Variants in PIAS1 observed in about 807,000 individuals in gnomAD.
PIAS1 encodes the protein E3 SUMO-protein ligase PIAS1.
PIAS1 carries 6 observed loss-of-function variants against 71.3 expected under a neutral mutation model. The observed-to-expected ratio is 0.08, with a 90% CI of 0.05 to 0.17. PIAS1 has a LOEUF of 0.17. Ranked by LOEUF, PIAS1 falls within the 10% of genes least tolerant of loss-of-function variation. The pLI is 1.00. For missense variants in PIAS1, 555 were observed against 793.6 expected (o/e 0.70, Z 3.61); for synonymous variants, 303 against 292.9 (o/e 1.03, Z -0.35).
intron 2 of PIAS1, among the ~76,000 whole-genome samples, chr15:68,115,487 A>G (rs1210129882): frequency 1.3e-5 from 2 of 151,974 alleles, no homozygotes; most frequent in Admixed American, 6.6e-5. Context: ...CATAGGTCAT[A>G]TTTTCTATGA....
At position 68,186,462 on chromosome 15, in the gene PIAS1, TAAA is replaced by T. The variant is rs1444894127; in HGVS notation, c.1663-1076_1663-1074del. On this transcript the variant is annotated intron_variant, in intron 13 of 13. Transcript: ENST00000249636. The surrounding 1 kb of genome is among the most constrained non-coding windows in gnomAD (Gnocchi z 4.4). ...TTAAGTGTTACAAGAGTCAAAGTTTTAAAAAATCAGTTTATAAAGTAAAATTAG... is the reference window on the plus strand; with the variant it reads ...TTAAGTGTTACAAGAGTCAAAGTTTTAAATCAGTTTATAAAGTAAAATTAG... Among the ~76,000 whole-genome samples the T allele has an allele frequency of 6.6e-6, 1 of 152,276 alleles. No individual in the cohort carries two copies. The highest frequency in any genetic ancestry group is 6.5e-5 in the Admixed American group (1 of 15,290).
At position 68,054,553 on chromosome 15, in the gene PIAS1, G is replaced by C; in HGVS notation, c.24+203G>C. On this transcript the variant is annotated intron_variant, in intron 1 of 13. Coordinates refer to ENST00000249636, the MANE Select transcript of PIAS1 (RefSeq NM_016166.3). This position sits in a 1 kb window ranked among gnomAD's most constrained non-coding sequence, Gnocchi z 4.6. Reference sequence around the variant, plus strand: ...GGGCCCCGGGTGCCTCGGGGGCGCTGACGGGTCGTCCCCGGCGTGTTATTG... The same window carrying C: ...GGGCCCCGGGTGCCTCGGGGGCGCTCACGGGTCGTCCCCGGCGTGTTATTG... The C allele has an allele frequency of 2.0e-6, 1 of 505,458 alleles. No homozygotes were observed. Among genetic ancestry groups the C allele is most frequent in the East Asian group, 3.5e-5 (1 of 28,512 alleles). 31.3% of individuals were successfully genotyped at this position (505,458 alleles called of 1,614,324 possible).
At position 68,106,836 on chromosome 15, in the gene PIAS1, A is replaced by T. The variant is rs185531094; in HGVS notation, c.469+20086A>T. ...TCTTAATCGATTACAATAGTGTTCC[A>T]TACTTAAATACAGCACAGCAAGCTT... On this transcript the variant is annotated intron_variant, in intron 2 of 13. Transcript: ENST00000249636. 1.8e-4 allele frequency among the ~76,000 whole-genome samples: 28 copies of T among 152,344 alleles called. No individual in the cohort carries two copies. In the East Asian group the frequency reaches 5.0e-3, roughly 27 times the overall value.
intron 1 of PIAS1, among the ~76,000 whole-genome samples, chr15:68,069,538 C>A (rs1028272984): frequency 3.3e-5 from 5 of 152,174 alleles, no homozygotes; most frequent in African/African-American, 1.2e-4. Context: ...CACGGTGGCT[C>A]ATGCCTGTAA....
intron 1 of PIAS1, among the ~76,000 whole-genome samples, chr15:68,063,910 T>TA (rs34757549): frequency 0.81 from 120,824 of 149,950 alleles, 48,729 homozygotes; most frequent in African/African-American, 0.89. Flanking sequence ...CACTTGGAAT[T>TA]AAAAAAAAAA....
intron 1 of PIAS1, among the ~76,000 whole-genome samples, chr15:68,065,567 CAG>C (rs1448377648): frequency 3.6e-5 from 5 of 138,832 alleles, no homozygotes; most frequent in Non-Finnish European, 7.7e-5. Flanking sequence ...AACTGGGTGA[CAG>C]AGTGAGACCC....
In PIAS1 at chr15:68,097,242, C is replaced by T. The variant is rs191049912; in HGVS notation, c.469+10492C>T. 7.2e-5 allele frequency among the ~76,000 whole-genome samples: 11 copies of T among 152,164 alleles called. No homozygotes were observed. The East Asian group carries it at 2.1e-3, about 29-fold the overall frequency. ...ACCATCCTTGCATTCCAGGAATAAA[C>T]CCCACTTGATCATTATGTAAAACCC... On this transcript the variant is annotated intron_variant, in intron 2 of 13. Transcript: ENST00000249636.
rs2093082555 is a variant in PIAS1, at chr15:68,185,654, C to T, written c.1663-1888C>T. Among the ~76,000 whole-genome samples the T allele has an allele frequency of 6.6e-6, 1 of 152,122 alleles. No homozygotes were observed. The highest frequency in any genetic ancestry group is 2.1e-4 in the South Asian group (1 of 4,822). Reference sequence around the variant, plus strand: ...AAGCTTTTGCAGACCTCAACAAGCTCCTTAAAAAATTTAAAAACATGGGCC... The same window carrying T: ...AAGCTTTTGCAGACCTCAACAAGCTTCTTAAAAAATTTAAAAACATGGGCC... On this transcript the variant is annotated intron_variant, in intron 13 of 13. Coordinates refer to ENST00000249636, the MANE Select transcript of PIAS1 (RefSeq NM_016166.3). This position sits in a 1 kb window ranked among gnomAD's most constrained non-coding sequence, Gnocchi z 4.4.
intron 5 of PIAS1, among the ~76,000 whole-genome samples, 174 bp downstream of exon 5, chr15:68,146,080 T>G (rs531313868): frequency 6.6e-6 from 1 of 152,318 alleles, no homozygotes; most frequent in East Asian, 1.9e-4. Context: ...AGCAGTGACA[T>G]TAGCTTTGGG....
chr15:68,144,815 A>G (rs2092796880), intron 4 of PIAS1, among the ~76,000 whole-genome samples: 1 of 152,178 alleles, frequency 6.6e-6, no homozygotes, highest in African/African-American at 2.4e-5. Context: ...AAAACTGAAC[A>G]TGTATATGTA....
intron 2 of PIAS1, among the ~76,000 whole-genome samples, chr15:68,127,046 T>A (rs979633728): frequency 1.3e-5 from 2 of 152,126 alleles, no homozygotes; most frequent in Non-Finnish European, 2.9e-5. Context: ...TTCTCCTGCC[T>A]CAGGCTCCCG....
At chr15:68,097,971 C>T (rs1024037387) in intron 2 of PIAS1, among the ~76,000 whole-genome samples, 1 of 152,152 alleles carries the variant, frequency 6.6e-6, no homozygotes, top group Admixed American at 6.5e-5. Context: ...TTTTTGTTTA[C>T]ATGAGTATAG....
intron 2 of PIAS1, among the ~76,000 whole-genome samples, chr15:68,113,902 G>A (rs1210165618): frequency 6.6e-6 from 1 of 151,898 alleles, no homozygotes; most frequent in African/African-American, 2.4e-5. Flanking sequence ...TGTAATTTTT[G>A]TTGTACTCCA....
chr15:68,115,295 A>G (rs1345413859), intron 2 of PIAS1, among the ~76,000 whole-genome samples: 1 of 152,056 alleles, frequency 6.6e-6, no homozygotes, highest in Non-Finnish European at 1.5e-5. Context: ...TTAGCTTTGT[A>G]AGAAACTGTC....
chr15:68,188,979 A>G lies in PIAS1; in HGVS notation c.*1144A>G, dbSNP rs895992121. On this transcript the variant is annotated 3_prime_UTR_variant, in exon 14 of 14. Coordinates refer to ENST00000249636, the MANE Select transcript of PIAS1 (RefSeq NM_016166.3). Reference sequence around the variant, plus strand: ...CACCACATTTTTGTAGAAGTCTACTATTTGATAAACAGTTGAAATTCAAGA... The same window carrying G: ...CACCACATTTTTGTAGAAGTCTACTGTTTGATAAACAGTTGAAATTCAAGA... 2 of 152,220 alleles carry G rather than the reference A, an allele frequency of 1.3e-5. No individual in the cohort carries two copies. Among genetic ancestry groups the G allele is most frequent in the Admixed American group, 1.3e-4 (2 of 15,286 alleles). The allele number at this position is 152,220 out of a possible 1,614,324, so 9.4% of individuals were successfully genotyped here.
Position 68,086,497 on chromosome 15 carries a change from T to C in PIAS1, c.216T>C (p.Pro72=). 1.2e-6 allele frequency: 2 copies of C among 1,613,944 alleles called. No individual in the cohort carries two copies. The highest frequency in any genetic ancestry group is 1.7e-6 in the Non-Finnish European group (2 of 1,179,830). The change falls in exon 2 of 14, where the codon CCT becomes CCC. Residue 72 remains proline, a synonymous_variant. Transcript: ENST00000249636. This position sits in a 1 kb window ranked among gnomAD's most constrained non-coding sequence, Gnocchi z 7.2. ...RRRFPQKIMT[P]ADLSIPNVHS... is the part of the protein sequence containing the mutation. ...GGTTCCCACAGAAAATCATGACGCCTGCAGACTTGTCCATCCCCAACGTAC... is the reference window on the plus strand; with the variant it reads ...GGTTCCCACAGAAAATCATGACGCCCGCAGACTTGTCCATCCCCAACGTAC...
chr15:68,175,608 T>C (rs779820059), intron 9 of PIAS1, 29 bp from the exon 10 acceptor site: 3 of 1,249,322 alleles, frequency 2.4e-6, no homozygotes, highest in African/African-American at 1.5e-5. Context: ...ATTTAAAATA[T>C]ATTCTAAGGA....
rs769460360 is a variant in PIAS1, at chr15:68,141,952, A to T, written c.476A>T (p.Asp159Val). ...TAATTCTTGTCTTCTTTAGCATCAG[A>T]CAACAGTCAGCGCTTTCGAGAAACC... ...ELIKPTSLAS[D>V]NSQRFRETCF... The change falls in exon 3 of 14, where the codon GAC (aspartate) becomes GTC (valine). Residue 159 changes from aspartate (D) to valine (V), a missense_variant. By Grantham distance (152) the Asp-to-Val change is radical (BLOSUM62 -3). This residue lies in a region of PIAS1 where 134 missense variants were observed against 203.4 expected (regional missense o/e 0.66). Transcript: ENST00000249636. The T allele has an allele frequency of 1.3e-6, 2 of 1,599,010 alleles. No individual in the cohort carries two copies. Among genetic ancestry groups the T allele is most frequent in the African/African-American group, 2.7e-5 (2 of 74,764 alleles).
chr15:68,130,887 A>G (rs564284697), intron 2 of PIAS1, among the ~76,000 whole-genome samples: 1 of 152,352 alleles, frequency 6.6e-6, no homozygotes, highest in East Asian at 1.9e-4. Context: ...CAGATGTAAT[A>G]ATAGCTAACA....
Sources: gnomAD v4.1 joint callset for allele counts (sites outside exome capture counted in the v4.1 genomes callset) on GRCh38, gnomAD v4.1.1 for gene constraint, gnomAD v4.1.1 regional missense constraint, Gnocchi (gnomAD v3.1) non-coding constraint, MANE v1.5 for transcripts, NCBI Gene and HGNC (gene_info 2026-07-23, HGNC 2026-07-21) for gene names.